The following ACAD10 variants were observed in gnomAD, a reference collection of about 807,000 sequenced individuals.
ACAD10 encodes ACAD-10.
A neutral mutation model predicts 116.8 loss-of-function variants in ACAD10; 112 were observed. That is an observed-to-expected ratio of 0.96 (90% confidence interval 0.82 to 1.12). The LOEUF (loss-of-function observed/expected upper bound fraction) is 1.12. ACAD10 is among the 50% of genes most tolerant of loss of function. The pLI is 0.00. For missense variants in ACAD10, 1,259 were observed against 1,350.2 expected, an observed-to-expected ratio of 0.93 and a Z score of 1.06; for synonymous variants, 486 against 510.6, an observed-to-expected ratio of 0.95 and a Z score of 0.65.
chr12:111,752,269 A>T (rs1263085915), intron 18 of ACAD10, among the ~76,000 whole-genome samples: 1 of 151,592 alleles, frequency 6.6e-6, no homozygotes, highest in Non-Finnish European at 1.5e-5. Context: ...CTTTGATGCA[A>T]AATAATGTTT....
rs539348314 is a variant in ACAD10, at chr12:111,711,625, C to T, written c.691-873C>T. 8.6e-5 allele frequency among the ~76,000 whole-genome samples: 13 copies of T among 151,036 alleles called. 2 individuals are homozygous for T. The highest frequency in any genetic ancestry group is 3.2e-4 in the African/African-American group (13 of 41,040). On this transcript the variant is annotated intron_variant, in intron 5 of 20. Transcript: ENST00000313698. ...CTGCAAGCTCCATCTCCTGGGTTCG[C>T]ACCATTCTCCTGCCTCAGCCTCCCA...
chr12:111,713,028 G>A (rs113891708), intron 6 of ACAD10, among the ~76,000 whole-genome samples: 5 of 152,024 alleles, frequency 3.3e-5, no homozygotes, highest in East Asian at 3.9e-4. Context: ...AAGTTACATC[G>A]GCAGGCGGGT....
In ACAD10 at chr12:111,727,911, C is replaced by T. The variant is rs35604271; in HGVS notation, c.1062-51C>T. ...CAAAGAATAGGGTCATGACTAACAG[C>T]CTGCCACATTATGACTCTGATCCCT... On this transcript the variant is annotated intron_variant, in intron 8 of 20. Coordinates refer to ENST00000313698, the MANE Select transcript of ACAD10 (RefSeq NM_025247.6). 4.4e-3 allele frequency: 6,684 copies of T among 1,535,764 alleles called. 20 individuals carry two copies. Among genetic ancestry groups the T allele is most frequent in the Non-Finnish European group, 5.4e-3 (6,165 of 1,134,114 alleles).
intron 6 of ACAD10, 41 bp downstream of exon 6, chr12:111,712,698 G>T (rs765938815): frequency 3.1e-6 from 5 of 1,601,134 alleles, no homozygotes; most frequent in African/African-American, 1.3e-5. Flanking sequence ...TCTCTCCAAG[G>T]CGAAGGTTTT....
chr12:111,730,101 T>G, intron 10 of ACAD10, 145 bp downstream of exon 10: 2 of 1,204,054 alleles, frequency 1.7e-6, no homozygotes, highest in Non-Finnish European at 2.3e-6. Context: ...CAGGCAGGGT[T>G]TCTCAGCTCT....
intron 1 of ACAD10, among the ~76,000 whole-genome samples, chr12:111,688,431 G>GAT (rs1487937822): frequency 6.6e-6 from 1 of 152,098 alleles, no homozygotes; most frequent in African/African-American, 2.4e-5. Flanking sequence ...TCAAGTTCCT[G>GAT]ATATACAATG....
chr12:111,702,494 G>A (rs547392424), intron 3 of ACAD10, among the ~76,000 whole-genome samples, 184 bp downstream of exon 3: 1 of 152,266 alleles, frequency 6.6e-6, no homozygotes, highest in South Asian at 2.1e-4. Context: ...ACTTTGGGAG[G>A]CCCAGGGGGT....
At chr12:111,690,276 A>G (rs1835918466) in intron 1 of ACAD10, among the ~76,000 whole-genome samples, 1 of 152,136 alleles carries the variant, frequency 6.6e-6, no homozygotes, top group African/African-American at 2.4e-5. Flanking sequence ...CATGAAATTC[A>G]CTTATATATA....
At position 111,747,033 on chromosome 12, in the gene ACAD10, T is replaced by C. The variant is rs372167787; in HGVS notation, c.2257-16T>C. 3.1e-5 allele frequency: 48 copies of C among 1,567,188 alleles called. No homozygotes were observed. The highest frequency in any genetic ancestry group is 3.9e-5 in the Non-Finnish European group (45 of 1,154,586). On this transcript the variant is annotated splice_polypyrimidine_tract_variant and intron_variant, in intron 14 of 20. Transcript: ENST00000313698. Reference sequence around the variant, plus strand: ...GAGGACATGACAGTCATGGTCACGCTCCTTTTCCTTCTCAGGTATGTAACT... The same window carrying C: ...GAGGACATGACAGTCATGGTCACGCCCCTTTTCCTTCTCAGGTATGTAACT...
intron 7 of ACAD10, among the ~76,000 whole-genome samples, chr12:111,717,802 G>T (rs781553704): frequency 6.6e-6 from 1 of 151,942 alleles, no homozygotes; most frequent in Admixed American, 6.6e-5. Flanking sequence ...TCCCACCTTG[G>T]CCTCCCAAAG....
intron 1 of ACAD10, among the ~76,000 whole-genome samples, chr12:111,689,720 CT>C (rs369874266): frequency 2.1e-3 from 301 of 141,288 alleles, no homozygotes; most frequent in Admixed American, 2.3e-3. Context: ...ATATTTTCTT[CT>C]TTTTTTTTTT....
At position 111,728,154 on chromosome 12, in the gene ACAD10, G is replaced by T. The variant is rs1351038256; in HGVS notation, c.1243+11G>T. 1 of 1,586,610 alleles carries T rather than the reference G, an allele frequency of 6.3e-7. No individual in the cohort carries two copies. Among genetic ancestry groups the T allele is most frequent in the African/African-American group, 1.3e-5 (1 of 74,348 alleles). On this transcript the variant is annotated intron_variant, in intron 9 of 20. Coordinates refer to ENST00000313698, the MANE Select transcript of ACAD10 (RefSeq NM_025247.6). Reference sequence around the variant, plus strand: ...ACTATGGGAAGCAAGGTGAGCAGGAGGCCACGTCTCCCATGCTGGTTGTTT... The same window carrying T: ...ACTATGGGAAGCAAGGTGAGCAGGATGCCACGTCTCCCATGCTGGTTGTTT...
At chr12:111,687,892 C>G (rs192813044) in intron 1 of ACAD10, among the ~76,000 whole-genome samples, 1 of 150,946 alleles carries the variant, frequency 6.6e-6, no homozygotes, top group Non-Finnish European at 1.5e-5. Flanking sequence ...TATTTTGAGA[C>G]GGAGTCTCAC....
intron 1 of ACAD10, among the ~76,000 whole-genome samples, chr12:111,687,303 A>C (rs1396252496): frequency 1.3e-5 from 2 of 152,182 alleles, no homozygotes; most frequent in Non-Finnish European, 2.9e-5. Flanking sequence ...CCCTGTTTAA[A>C]TCAGGGTTTC....
intron 19 of ACAD10, 148 bp downstream of exon 19, chr12:111,754,063 G>A (rs1890143756): frequency 8.3e-7 from 1 of 1,200,312 alleles, no homozygotes; most frequent in African/African-American, 1.5e-5. Context: ...AATTGGAAAG[G>A]CACAAGAAGA....
At chr12:111,721,849 GA>G (rs1889022811) in intron 8 of ACAD10, 110 bp downstream of exon 8, 1 of 855,708 alleles carries the variant, frequency 1.2e-6, no homozygotes, top group African/African-American at 1.7e-5. Flanking sequence ...GGGTAGGAGG[GA>G]AAAGAAACTT....
chr12:111,755,598 CG>C (rs1252527668), intron 19 of ACAD10, 69 bp from the exon 20 acceptor site: 48 of 1,153,980 alleles, frequency 4.2e-5, no homozygotes, highest in Non-Finnish European at 4.3e-5. Context: ...AGATGGGGGA[CG>C]GGGGGGCCTC....
At chr12:111,735,835 T>G (rs1342660415) in intron 11 of ACAD10, among the ~76,000 whole-genome samples, 1 of 152,020 alleles carries the variant, frequency 6.6e-6, no homozygotes, top group Non-Finnish European at 1.5e-5. Context: ...TTTATTTATT[T>G]GTTTATTTGT....
At chr12:111,750,415 T>A (rs1383234051) in intron 18 of ACAD10, among the ~76,000 whole-genome samples, 1 of 151,918 alleles carries the variant, frequency 6.6e-6, no homozygotes, top group Non-Finnish European at 1.5e-5. Context: ...CCACCGTGCC[T>A]GGCCAAAAAG....
Sources: allele counts gnomAD v4.1 joint callset (sites outside exome capture counted in the v4.1 genomes callset), GRCh38; gene constraint gnomAD v4.1.1; transcripts MANE v1.5; gene names NCBI Gene and HGNC (gene_info 2026-07-23, HGNC 2026-07-21).